Variants in MRPL3 observed in about 807,000 individuals in gnomAD.
The protein encoded by MRPL3 is large ribosomal subunit protein uL3m.
MRPL3 carries 43 observed loss-of-function variants against 44.3 expected under a neutral mutation model. That is an observed-to-expected ratio of 0.97 (90% CI 0.76 to 1.25). The LOEUF is 1.25. MRPL3 is among the 50% of genes most tolerant of loss of function. MRPL3 has a pLI of 0.00. For synonymous variants in MRPL3, 171 were observed against 152.3 expected (o/e 1.12, Z -0.91); for missense variants, 406 against 427.6 (o/e 0.95, Z 0.45).
At chr3:131,490,476 T>C (rs1342849551) in intron 4 of MRPL3, among the ~76,000 whole-genome samples, 1 of 152,190 alleles carries the variant, frequency 6.6e-6, no homozygotes, top group African/African-American at 2.4e-5. Context: ...AAACACGGTA[T>C]GTTACATTTA....
chr3:131,499,332 A>G (rs1361315486), intron 3 of MRPL3, among the ~76,000 whole-genome samples: 1 of 152,162 alleles, frequency 6.6e-6, no homozygotes, highest in African/African-American at 2.4e-5. Flanking sequence ...GTTGGCGTTA[A>G]GTGTGATGCT....
chr3:131,462,747 A>G lies in MRPL3; in HGVS notation c.1023T>C (p.Gly341=). Residue 341 remains glycine, a synonymous_variant, in exon 10 of 10, where the codon GGT becomes GGC. Coordinates refer to ENST00000264995, the MANE Select transcript of MRPL3 (RefSeq NM_007208.4). ...GTTAGGCAAATGTAATAGAAGGCGC[A>G]CCGGGCTGACACACGTTTTCATCAT... ...DLYDENVCQP[G]APSITFA is the part of the protein sequence containing the mutation. 2 of 1,612,058 alleles carry G rather than the reference A, an allele frequency of 1.2e-6. No individual in the cohort carries two copies. The highest frequency in any genetic ancestry group is 1.7e-6 in the Non-Finnish European group (2 of 1,178,810).
rs1037429190 is a variant in MRPL3, at chr3:131,469,814, A to G, written c.739-41T>C. ...AAAGTTAACACTTTTAAGTACTATC[A>G]ATTTTAAACAGCACTGATCAAACCA... On this transcript the variant is annotated intron_variant, in intron 7 of 9. Coordinates refer to ENST00000264995, the MANE Select transcript of MRPL3 (RefSeq NM_007208.4). 1.3e-5 allele frequency: 17 copies of G among 1,278,804 alleles called. No homozygotes were observed. The African/African-American group carries it at 2.5e-4, about 19-fold the overall frequency. 79.2% of individuals were successfully genotyped at this position (1,278,804 alleles called of 1,614,324 possible).
intron 4 of MRPL3, among the ~76,000 whole-genome samples, chr3:131,492,380 C>T (rs1934278107): frequency 6.6e-6 from 1 of 152,072 alleles, no homozygotes; most frequent in Non-Finnish European, 1.5e-5. Flanking sequence ...CTTTTCGGTA[C>T]CAGCGACTGG....
chr3:131,474,577 GT>G (rs1338218985), intron 6 of MRPL3, among the ~76,000 whole-genome samples: 1 of 152,052 alleles, frequency 6.6e-6, no homozygotes, highest in Non-Finnish European at 1.5e-5. Flanking sequence ...AATGCATGAA[GT>G]AACAGGTACC....
intron 9 of MRPL3, among the ~76,000 whole-genome samples, chr3:131,465,891 CTT>C (rs55635822): frequency 5.4e-4 from 72 of 133,344 alleles, no homozygotes; most frequent in South Asian, 1.4e-3. Context: ...CTTTTTCTCT[CTT>C]TTTTTTTTTT....
chr3:131,468,049 CAAAA>C (rs56928817), intron 9 of MRPL3, 38 bp downstream of exon 9: 7 of 860,774 alleles, frequency 8.1e-6, no homozygotes, highest in South Asian at 2.3e-5. Context: ...GAGTAAGAAA[CAAAA>C]AAAAAAAAGG....
Position 131,490,034 on chromosome 3 carries a change from G to A in MRPL3, c.515C>T (p.Pro172Leu), listed in dbSNP as rs148638602. 51 of 1,611,900 alleles carry A rather than the reference G, an allele frequency of 3.2e-5. No homozygotes were observed. The highest frequency in any genetic ancestry group is 1.7e-4 in the African/African-American group (13 of 74,912). Reference protein sequence around the residue: ...LEFYRELGLPPKQTVKIFNIT... With the variant: ...LEFYRELGLPLKQTVKIFNIT... ...ATTAAAGATTTTAACTGTCTGTTTC[G>A]GCGGCAATCCAAGTTCCCGGTAAAA... The change falls in exon 5 of 10, where the codon CCG becomes CTG. Residue 172 changes from proline to leucine, a missense_variant. Physicochemically the swap from Pro to Leu is moderately conservative, Grantham distance 98. Transcript: ENST00000264995.
At chr3:131,465,776 G>GT (rs1200027456) in intron 9 of MRPL3, among the ~76,000 whole-genome samples, 1 of 152,044 alleles carries the variant, frequency 6.6e-6, no homozygotes, top group Non-Finnish European at 1.5e-5. Context: ...ATCTGTCATT[G>GT]TAAGTATGAC....
intron 3 of MRPL3, 78 bp from the exon 4 acceptor site, chr3:131,498,355 T>C: frequency 2.5e-6 from 2 of 804,626 alleles, no homozygotes; most frequent in Non-Finnish European, 2.0e-6. Context: ...ATTGAGACCT[T>C]AGGACAAATA....
At chr3:131,478,746 T>C (rs1334378570) in intron 6 of MRPL3, among the ~76,000 whole-genome samples, 1 of 150,546 alleles carries the variant, frequency 6.6e-6, no homozygotes, top group Non-Finnish European at 1.5e-5. Flanking sequence ...TCTCGCTCTG[T>C]TTACCAGGCT....
chr3:131,496,212 T>C (rs1031626106), intron 4 of MRPL3, among the ~76,000 whole-genome samples: 1 of 152,180 alleles, frequency 6.6e-6, no homozygotes, highest in African/African-American at 2.4e-5. Flanking sequence ...AACCAAAGAA[T>C]TACTCATATG....
chr3:131,468,457 T>C (rs538780690), intron 8 of MRPL3, among the ~76,000 whole-genome samples: 1 of 152,226 alleles, frequency 6.6e-6, no homozygotes, highest in African/African-American at 2.4e-5. Flanking sequence ...CCATTAACAA[T>C]AACAAGTGGA....
intron 6 of MRPL3, among the ~76,000 whole-genome samples, chr3:131,473,603 A>G (rs1409150917): frequency 1.3e-5 from 2 of 152,090 alleles, no homozygotes; most frequent in Non-Finnish European, 2.9e-5. Flanking sequence ...GAGACAACCT[A>G]CAGAATGGGA....
intron 4 of MRPL3, among the ~76,000 whole-genome samples, chr3:131,490,596 C>T (rs1478629698): frequency 6.6e-6 from 1 of 152,218 alleles, no homozygotes; most frequent in African/African-American, 2.4e-5. Context: ...AACTAAGTCA[C>T]ATCCTTTTCT....
At chr3:131,495,510 T>C (rs910964923) in intron 4 of MRPL3, among the ~76,000 whole-genome samples, 2 of 152,140 alleles carry the variant, frequency 1.3e-5, no homozygotes, top group African/African-American at 4.8e-5. Flanking sequence ...TTTCAAAGTT[T>C]ACGTAAATTA....
At chr3:131,472,597 G>T (rs550854203) in intron 6 of MRPL3, among the ~76,000 whole-genome samples, 1 of 152,136 alleles carries the variant, frequency 6.6e-6, no homozygotes, top group Admixed American at 6.5e-5. Context: ...GAGCTATTAG[G>T]CAAGAGAAAG....
At chr3:131,495,262 G>A (rs2110713463) in intron 4 of MRPL3, among the ~76,000 whole-genome samples, 1 of 152,142 alleles carries the variant, frequency 6.6e-6, no homozygotes, top group African/African-American at 2.4e-5. Context: ...TAATATGGAA[G>A]TCTGGATACT....
chr3:131,477,679 C>A (rs1029990685), intron 6 of MRPL3, among the ~76,000 whole-genome samples: 2 of 152,074 alleles, frequency 1.3e-5, no homozygotes, highest in African/African-American at 4.8e-5. Flanking sequence ...ACTCCAGATA[C>A]CCTATCATTT....
Sources: allele counts gnomAD v4.1 joint callset (sites outside exome capture counted in the v4.1 genomes callset), GRCh38; gene constraint gnomAD v4.1.1; transcripts MANE v1.5; gene names NCBI Gene and HGNC (gene_info 2026-07-23, HGNC 2026-07-21).